POC1B: variants seen among roughly 807,000 people sequenced by gnomAD.
The protein encoded by POC1B is POC1 centriolar protein homolog B.
POC1B carries 44 observed loss-of-function variants against 60.6 expected under a neutral mutation model. The ratio of observed to expected loss-of-function variants is 0.73; its 90% confidence interval spans 0.57 to 0.93. The LOEUF (loss-of-function observed/expected upper bound fraction) is 0.93. Ranked by LOEUF, POC1B falls within the 40% of genes least tolerant of loss-of-function variation. The pLI, the probability that POC1B is intolerant of heterozygous loss-of-function variation, is 0.00. For missense variants in POC1B, 555 were observed against 572.3 expected (o/e 0.97, Z 0.31); for synonymous variants, 180 against 198.9 (o/e 0.90, Z 0.80).
intron 4 of POC1B, among the ~76,000 whole-genome samples, chr12:89,483,289 G>A (rs1210944635): frequency 1.3e-5 from 2 of 152,066 alleles, no homozygotes; most frequent in Admixed American, 6.6e-5. Flanking sequence ...ACTTCTCCTT[G>A]CTGCCACCAT....
chr12:89,472,097 T>G, intron 5 of POC1B, 71 bp downstream of exon 5: 1 of 1,042,152 alleles, frequency 9.6e-7, no homozygotes, highest in Non-Finnish European at 1.4e-6. Context: ...CATTTATTTA[T>G]TTAAATTGTT....
the POC1B span, among the ~76,000 whole-genome samples, chr12:89,407,735 C>T: frequency 6.6e-6 from 1 of 152,180 alleles, no homozygotes. Flanking sequence ...TTTGACTATG[C>T]AGCAACTTAA....
chr12:89,499,695 T>C (rs1869448653), intron 2 of POC1B, among the ~76,000 whole-genome samples: 2 of 152,114 alleles, frequency 1.3e-5, no homozygotes, highest in Non-Finnish European at 2.9e-5. Context: ...TTGTGGTGGG[T>C]CAACTGGATA....
At chr12:89,525,663 T>C (rs1871408764) in intron 1 of POC1B, 2 of 1,256,990 alleles carry the variant, frequency 1.6e-6, no homozygotes, top group South Asian at 5.3e-5. Context: ...GCTCCGGAAC[T>C]CGGGGAAGAG....
At chr12:89,440,477 G>A (rs777291863) in intron 10 of POC1B, among the ~76,000 whole-genome samples, 2 of 152,234 alleles carry the variant, frequency 1.3e-5, no homozygotes, top group Non-Finnish European at 2.9e-5. Flanking sequence ...GGGGAAGGAT[G>A]AAGGTAGGAA....
chr12:89,500,698 A>G (rs898169952), intron 2 of POC1B: 1 of 1,437,084 alleles, frequency 7.0e-7, no homozygotes, highest in African/African-American at 1.4e-5. Context: ...TTTCACTTAA[A>G]ACCAAAAAAA....
chr12:89,523,656 T>C, intron 2 of POC1B: 1 of 1,537,406 alleles, frequency 6.5e-7, no homozygotes, highest in Non-Finnish European at 8.7e-7. Context: ...CAATTCTTGA[T>C]ATCCGCCTGT....
intron 10 of POC1B, among the ~76,000 whole-genome samples, chr12:89,456,741 A>C (rs1435616081): frequency 2.6e-5 from 4 of 152,112 alleles, no homozygotes; most frequent in Non-Finnish European, 5.9e-5. Flanking sequence ...GGCATTAGAG[A>C]CACAAGTGCA....
intron 1 of POC1B, chr12:89,525,549 T>G: frequency 7.9e-7 from 1 of 1,272,820 alleles, no homozygotes; most frequent in Non-Finnish European, 9.9e-7. Flanking sequence ...TCGGCTTTGG[T>G]ACTTTTTTTT....
chr12:89,425,048 T>C, intron 11 of POC1B, 113 bp downstream of exon 11: 1 of 1,066,156 alleles, frequency 9.4e-7, no homozygotes, highest in Non-Finnish European at 1.4e-6. Flanking sequence ...GAGTTTGCTT[T>C]GCTAGTATAG....
intron 4 of POC1B, 62 bp downstream of exon 4, chr12:89,491,874 G>C: frequency 7.5e-7 from 1 of 1,341,864 alleles, no homozygotes; most frequent in Non-Finnish European, 9.9e-7. Context: ...TCTGGAAGTT[G>C]GGGGCAAACA....
downstream of POC1B, among the ~76,000 whole-genome samples, chr12:89,418,552 T>C (rs1194176963): frequency 6.6e-6 from 1 of 152,196 alleles, no homozygotes; most frequent in Admixed American, 6.5e-5. Context: ...TGTTGAAATC[T>C]GATCCCTACT....
intron 11 of POC1B, among the ~76,000 whole-genome samples, chr12:89,424,659 G>C (rs1880680782): frequency 6.6e-6 from 1 of 152,120 alleles, no homozygotes; most frequent in Non-Finnish European, 1.5e-5. Flanking sequence ...TTGTAACCAA[G>C]AATTTTGGTA....
chr12:89,492,662 C>T (rs1869043698), intron 3 of POC1B, among the ~76,000 whole-genome samples: 1 of 152,156 alleles, frequency 6.6e-6, no homozygotes, highest in African/African-American at 2.4e-5. Flanking sequence ...ACTGATCTCC[C>T]ATACACCTGC....
the POC1B span, among the ~76,000 whole-genome samples, chr12:89,410,115 G>A: frequency 1.3e-5 from 2 of 152,166 alleles, no homozygotes; most frequent in African/African-American, 4.8e-5. Flanking sequence ...CTACGATCAG[G>A]TCTGCTTCAT....
Position 89,512,026 on chromosome 12 carries a change from C to T in POC1B, c.100+13094G>A, listed in dbSNP as rs114552463. Among the ~76,000 whole-genome samples the T allele has an allele frequency of 4.1e-3, 620 of 152,214 alleles. 1 individual carries two copies. The highest frequency in any genetic ancestry group is 0.014 in the African/African-American group (581 of 41,532). On this transcript the variant is annotated intron_variant, in intron 2 of 11. Coordinates refer to ENST00000313546, the MANE Select transcript of POC1B (RefSeq NM_172240.3). Reference sequence around the variant, plus strand: ...CTGAGATCGCAACACTGCCTTCCAGCGTGGGTGACAGAGTAAGACTGTCTC... The same window carrying T: ...CTGAGATCGCAACACTGCCTTCCAGTGTGGGTGACAGAGTAAGACTGTCTC...
chr12:89,491,594 A>G (rs926778241), intron 4 of POC1B, among the ~76,000 whole-genome samples: 1 of 149,978 alleles, frequency 6.7e-6, no homozygotes, highest in Admixed American at 6.7e-5. Context: ...ACTGCACTCC[A>G]GCCTGGGTAA....
chr12:89,514,600 G>T (rs1324569661), intron 2 of POC1B, among the ~76,000 whole-genome samples: 1 of 151,490 alleles, frequency 6.6e-6, no homozygotes, highest in Non-Finnish European at 1.5e-5. Context: ...TAGAGACGGG[G>T]TTTCACCATG....
chr12:89,507,358 C>G (rs1169686748), intron 2 of POC1B, among the ~76,000 whole-genome samples: 1 of 150,880 alleles, frequency 6.6e-6, no homozygotes, highest in Non-Finnish European at 1.5e-5. Context: ...AAAGAACTGT[C>G]CTACCAAACC....
Sources: gnomAD v4.1 joint callset for allele counts (sites outside exome capture counted in the v4.1 genomes callset) on GRCh38, gnomAD v4.1.1 for gene constraint, MANE v1.5 for transcripts, NCBI Gene and HGNC (gene_info 2026-07-23, HGNC 2026-07-21) for gene names.